The following EVI5 variants were observed in gnomAD, a reference collection of about 807,000 sequenced individuals.
EVI5 encodes ecotropic viral integration site 5.
In EVI5, 73 loss-of-function variants were observed where a neutral mutation model predicts 112.0. The ratio of observed to expected loss-of-function variants is 0.65; its 90% CI spans 0.54 to 0.79. The LOEUF (loss-of-function observed/expected upper bound fraction) is 0.79, where lower values mean the gene tolerates loss of function less well. EVI5 is among the 30% of genes least tolerant of loss of function. The pLI is 0.00. For synonymous variants in EVI5, 305 were observed against 319.9 expected, an observed-to-expected ratio of 0.95 and a Z score of 0.50; for missense variants, 900 against 968.8, an observed-to-expected ratio of 0.93 and a Z score of 0.94.
intron 18 of EVI5, among the ~76,000 whole-genome samples, chr1:92,587,406 A>C (rs941174694): frequency 1.5e-5 from 2 of 133,762 alleles, no homozygotes; most frequent in African/African-American, 5.5e-5. Flanking sequence ...AAAAAAAAAA[A>C]CTATTAACAA....
chr1:92,591,973 G>A (rs188211570), intron 18 of EVI5, among the ~76,000 whole-genome samples: 2 of 152,326 alleles, frequency 1.3e-5, no homozygotes, highest in Non-Finnish European at 2.9e-5. Flanking sequence ...GCCGGGCGCG[G>A]TGGCTCACGC....
At chr1:92,602,236 T>A (rs1400267203) in intron 18 of EVI5, among the ~76,000 whole-genome samples, 4 of 152,138 alleles carry the variant, frequency 2.6e-5, no homozygotes, top group African/African-American at 9.7e-5. Flanking sequence ...ATTCTAGATG[T>A]TACAGCAAAG....
At chr1:92,682,151 T>G (rs1667691511) in intron 9 of EVI5, among the ~76,000 whole-genome samples, 1 of 152,122 alleles carries the variant, frequency 6.6e-6, no homozygotes, top group South Asian at 2.1e-4. Flanking sequence ...TCAATCACAT[T>G]CTTGCCTCAG....
chr1:92,589,144 T>C (rs941788674), intron 18 of EVI5, among the ~76,000 whole-genome samples: 1 of 152,098 alleles, frequency 6.6e-6, no homozygotes, highest in Non-Finnish European at 1.5e-5. Flanking sequence ...GTGGAGCCAA[T>C]ATGGCCGAAT....
intron 1 of EVI5, among the ~76,000 whole-genome samples, chr1:92,753,779 T>C (rs1464611689): frequency 6.6e-6 from 1 of 152,200 alleles, no homozygotes; most frequent in African/African-American, 2.4e-5. Flanking sequence ...TAATTAGATA[T>C]AATCCTCTGT....
chr1:92,575,387 A>G (rs768108880), intron 18 of EVI5, among the ~76,000 whole-genome samples: 12 of 152,136 alleles, frequency 7.9e-5, no homozygotes, highest in Non-Finnish European at 8.8e-5. Context: ...AAATGTCATC[A>G]TAACACTTAA....
intron 19 of EVI5, among the ~76,000 whole-genome samples, chr1:92,549,271 G>T (rs1364971587): frequency 1.3e-5 from 2 of 152,132 alleles, no homozygotes; most frequent in African/African-American, 4.8e-5. Context: ...TTAATAAATG[G>T]TGCTGGGAAA....
chr1:92,615,878 A>G (rs1037613209), intron 16 of EVI5, among the ~76,000 whole-genome samples: 8 of 152,196 alleles, frequency 5.3e-5, no homozygotes, highest in African/African-American at 1.9e-4. Context: ...TAATTTATAT[A>G]AACAGAAATC....
At chr1:92,610,527 T>C (rs1490398594) in intron 16 of EVI5, among the ~76,000 whole-genome samples, 1 of 152,112 alleles carries the variant, frequency 6.6e-6, no homozygotes, top group African/African-American at 2.4e-5. Flanking sequence ...CTAACATAGG[T>C]TATGTCTAAA....
At chr1:92,516,884 C>CAA (rs5776148) in intron 19 of EVI5, among the ~76,000 whole-genome samples, 1 of 142,094 alleles carries the variant, frequency 7.0e-6, no homozygotes, top group Non-Finnish European at 1.5e-5. Flanking sequence ...CCCTTTCCTC[C>CAA]AAAAAAAAAA....
intron 9 of EVI5, among the ~76,000 whole-genome samples, chr1:92,687,716 A>C (rs924329986): frequency 6.6e-6 from 1 of 152,222 alleles, no homozygotes; most frequent in African/African-American, 2.4e-5. Flanking sequence ...TCCATCAAAA[A>C]GTGGGCCAAG....
chr1:92,554,358 A>T (rs1433109963), intron 19 of EVI5, among the ~76,000 whole-genome samples: 3 of 152,206 alleles, frequency 2.0e-5, no homozygotes, highest in African/African-American at 7.2e-5. Flanking sequence ...GCAGATCAGA[A>T]GTTAGAATGC....
chr1:92,713,730 T>C (rs1286996851), intron 2 of EVI5, among the ~76,000 whole-genome samples: 1 of 152,080 alleles, frequency 6.6e-6, no homozygotes, highest in Non-Finnish European at 1.5e-5. Context: ...TGAGCCGAGA[T>C]TGCACCACTG....
chr1:92,564,507 T>C (rs541973413), intron 18 of EVI5, among the ~76,000 whole-genome samples: 5 of 151,604 alleles, frequency 3.3e-5, no homozygotes, highest in African/African-American at 9.6e-5. Context: ...CTCTGGTTAA[T>C]TAGCTCTCGA....
At chr1:92,710,459 G>A (rs556746384) in intron 2 of EVI5, among the ~76,000 whole-genome samples, 1 of 152,212 alleles carries the variant, frequency 6.6e-6, no homozygotes, top group East Asian at 1.9e-4. Context: ...TAAAGAAAAA[G>A]AATACTGTCC....
Position 92,513,530 on chromosome 1 carries a change from T to C in EVI5, c.*126A>G, listed in dbSNP as rs1233930606. On this transcript the variant is annotated 3_prime_UTR_variant, in exon 20 of 20. Transcript: ENST00000684568. ...TGTAAAATATATATATATATATATA[T>C]ATATATATATATATATATATATATA... The C allele has an allele frequency of 2.0e-4, 3 of 14,956 alleles. No individual in the cohort carries two copies. The highest frequency in any genetic ancestry group is 2.1e-4 in the Non-Finnish European group (2 of 9,600). The allele number at this position is 14,956 out of a possible 1,614,324, so 0.9% of individuals were successfully genotyped here.
intron 18 of EVI5, among the ~76,000 whole-genome samples, chr1:92,568,274 G>A (rs1171592994): frequency 6.6e-6 from 1 of 151,558 alleles, no homozygotes; most frequent in Non-Finnish European, 1.5e-5. Context: ...TACCAGGGAG[G>A]GTAAGGCGGG....
At chr1:92,702,689 C>G (rs1671375644) in intron 4 of EVI5, among the ~76,000 whole-genome samples, 1 of 151,040 alleles carries the variant, frequency 6.6e-6, no homozygotes, top group Admixed American at 6.6e-5. Context: ...GCATGTAATC[C>G]CAGCTACTAG....
chr1:92,634,012 A>G (rs1658116681), intron 14 of EVI5, among the ~76,000 whole-genome samples: 1 of 151,886 alleles, frequency 6.6e-6, no homozygotes, highest in African/African-American at 2.4e-5. Context: ...ATTGGCCCCC[A>G]CTCTCTTCTG....
Sources: gnomAD v4.1 joint callset for allele counts (sites outside exome capture counted in the v4.1 genomes callset) on GRCh38, gnomAD v4.1.1 for gene constraint, MANE v1.5 for transcripts, NCBI Gene and HGNC (gene_info 2026-07-23, HGNC 2026-07-21) for gene names.